Variants in OR1I1 observed in about 807,000 individuals in gnomAD.
OR1I1 encodes the protein olfactory receptor family 1 subfamily I member 1, also known as olfactory receptor 1I1.
For synonymous variants in OR1I1, 171 were observed against 181.4 expected, an observed-to-expected ratio of 0.94 and a Z score of 0.46; for missense variants, 451 against 443.6, an observed-to-expected ratio of 1.02 and a Z score of -0.15.
rs556025753 is a variant in OR1I1, at chr19:15,089,712, C to T, written c.*1579C>T. On this transcript the variant is annotated 3_prime_UTR_variant, in exon 2 of 2. Coordinates refer to ENST00000641398, the MANE Select transcript of OR1I1 (RefSeq NM_001004713.2). ...ATTACCTGGGTGTGGTGGTGTGCAC[C>T]TGTCATCTTAGTTACTCGGGAGGCT... 1.3e-5 allele frequency: 2 copies of T among 152,092 alleles called. No individual in the cohort carries two copies. Among genetic ancestry groups the T allele is most frequent in the East Asian group, 3.9e-4 (2 of 5,176 alleles). 9.4% of individuals were successfully genotyped at this position (152,092 alleles called of 1,614,324 possible).
chr19:15,086,481 TC>T (rs1568322197), intron 1 of OR1I1, among the ~76,000 whole-genome samples: 4 of 152,248 alleles, frequency 2.6e-5, no homozygotes, highest in African/African-American at 9.6e-5. Flanking sequence ...TGAGACAGAA[TC>T]TTGCTCTATA....
At chr19:15,086,527 C>T (rs1006747974) in intron 1 of OR1I1, among the ~76,000 whole-genome samples, 1 of 151,216 alleles carries the variant, frequency 6.6e-6, no homozygotes, top group African/African-American at 2.4e-5. Flanking sequence ...AATCTCTGCT[C>T]GCTGCAAACT....
chr19:15,087,685 G>T lies in OR1I1; in HGVS notation c.620G>T (p.Gly207Val), dbSNP rs1368435867. ...LVIFAFGIVV[G>V]TSPFSCILLS... is the part of the protein sequence containing the mutation. ...ATCTTTGCTTTTGGCATTGTCGTGG[G>T]CACCAGCCCATTCTCCTGCATCCTT... Residue 207 changes from glycine (G) to valine (V), a missense_variant, in exon 2 of 2, where the codon GGC becomes GTC. Gly to Val is a moderately radical substitution (Grantham distance 109). Coordinates refer to ENST00000641398, the MANE Select transcript of OR1I1 (RefSeq NM_001004713.2). 6.2e-7 allele frequency: 1 copy of T among 1,614,018 alleles called. No homozygotes were observed. Among genetic ancestry groups the T allele is most frequent in the Admixed American group, 1.7e-5 (1 of 59,988 alleles).
rs765407826 is a variant in OR1I1, at chr19:15,087,625, T to A, written c.560T>A (p.Leu187His). 1.2e-6 allele frequency: 2 copies of A among 1,614,142 alleles called. No homozygotes were observed. Among genetic ancestry groups the A allele is most frequent in the South Asian group, 2.2e-5 (2 of 91,086 alleles). The change falls in exon 2 of 2, where the codon CTC becomes CAC. Residue 187 changes from leucine (L) to histidine (H), a missense_variant. Leu to His is a moderately conservative substitution (Grantham distance 99). Coordinates refer to ENST00000641398, the MANE Select transcript of OR1I1 (RefSeq NM_001004713.2). ...FFCDLMPLLK[L>H]SGSDTHTNEL... ...TGTGACCTCATGCCCCTGCTGAAGC[T>A]CTCCGGCTCAGACACGCACACCAAC...
In OR1I1 at chr19:15,085,151, TATATA is replaced by T. The variant is rs2046223925; in HGVS notation, c.-13-1901_-13-1897del. On this transcript the variant is annotated intron_variant, in intron 1 of 1. Coordinates refer to ENST00000641398, the MANE Select transcript of OR1I1 (RefSeq NM_001004713.2). ...TGACTTATATATATATATATATATATATATATATATATATATATATATATATTTTT... is the reference window on the plus strand; with the variant it reads ...TGACTTATATATATATATATATATATTATATATATATATATATATATTTTT... Among the ~76,000 whole-genome samples the T allele has an allele frequency of 1.2e-4, 5 of 42,744 alleles. 1 individual carries two copies. Among genetic ancestry groups the T allele is most frequent in the African/African-American group, 4.8e-4 (5 of 10,448 alleles). The allele number at this position is 42,744 out of a possible 152,430, so 28.0% of individuals were successfully genotyped here.
Position 15,087,286 on chromosome 19 carries a change from C to A in OR1I1, c.221C>A (p.Ser74Tyr), listed in dbSNP as rs756601752. 2 of 1,614,178 alleles carry A rather than the reference C, an allele frequency of 1.2e-6. No individual in the cohort carries two copies. Among genetic ancestry groups the A allele is most frequent in the Non-Finnish European group, 1.7e-6 (2 of 1,180,020 alleles). ...CTCTCACTCGTTGACACCCTATTAT[C>A]CTCCACCACCGTCCCCAAGATGCTA... The part of the protein sequence containing the change: ...FNLSLVDTLL[S>Y]STTVPKMLAN... The change falls in exon 2 of 2, where the codon TCC (serine) becomes TAC (tyrosine). Residue 74 changes from serine (S) to tyrosine (Y), a missense_variant. Transcript: ENST00000641398.
In OR1I1 at chr19:15,085,175, TA is replaced by T. The variant is rs1174441357; in HGVS notation, c.-13-1877del. On this transcript the variant is annotated intron_variant, in intron 1 of 1. Transcript: ENST00000641398. The stretch of plus-strand genomic sequence containing the variant: ...ATATATATATATATATATATATATA[TA>T]TTTTTTTTTTTGAGACAGAGTTTCG... Among the ~76,000 whole-genome samples the T allele has an allele frequency of 5.1e-3, 353 of 68,838 alleles. 21 individuals are homozygous for T. The highest frequency in any genetic ancestry group is 7.6e-3 in the Admixed American group (47 of 6,180). 45.2% of individuals were successfully genotyped at this position (68,838 alleles called of 152,430 possible).
At position 15,085,162 on chromosome 19, in the gene OR1I1, A is replaced by AT. The variant is rs1568321872; in HGVS notation, c.-13-1890dup. The stretch of plus-strand genomic sequence containing the variant: ...TATATATATATATATATATATATAT[A>AT]TATATATATATATATTTTTTTTTTT... On this transcript the variant is annotated intron_variant, in intron 1 of 1. Transcript: ENST00000641398. Among the ~76,000 whole-genome samples the AT allele has an allele frequency of 3.2e-4, 11 of 34,762 alleles. 1 individual carries two copies. Among genetic ancestry groups the AT allele is most frequent in the African/African-American group, 1.8e-3 (11 of 6,010 alleles). 22.8% of individuals were successfully genotyped at this position (34,762 alleles called of 152,430 possible).
rs1268430408 is a variant in OR1I1 at position 15,083,429 on chromosome 19, C to T, written c.-14+1153C>T. ...GTGTTTTAACAAGCCTTCCAGGTGACCCTGAAGCGTGCTCAAGGTTGAGAA... is the reference window on the plus strand; with the variant it reads ...GTGTTTTAACAAGCCTTCCAGGTGATCCTGAAGCGTGCTCAAGGTTGAGAA... On this transcript the variant is annotated intron_variant, in intron 1 of 1. Transcript: ENST00000641398. Among the ~76,000 whole-genome samples the T allele has an allele frequency of 4.6e-5, 7 of 152,252 alleles. No homozygotes were observed. In the East Asian group the frequency reaches 1.4e-3, roughly 29 times the overall value.
Position 15,087,678 on chromosome 19 carries a change from G to T in OR1I1, c.613G>T (p.Val205Phe). 1 of 1,614,214 alleles carries T rather than the reference G, an allele frequency of 6.2e-7. No individual in the cohort carries two copies. Among genetic ancestry groups the T allele is most frequent in the Non-Finnish European group, 8.5e-7 (1 of 1,180,042 alleles). ...NELVIFAFGI[V>F]VGTSPFSCIL... ...GCTGGTGATCTTTGCTTTTGGCATT[G>T]TCGTGGGCACCAGCCCATTCTCCTG... Residue 205 changes from valine (V) to phenylalanine (F), a missense_variant, in exon 2 of 2, where the codon GTC becomes TTC. By Grantham distance (50) the Val-to-Phe change is conservative. Transcript: ENST00000641398.
At position 15,082,230 on chromosome 19, in the gene OR1I1, C is replaced by T. The variant is rs2046212129; in HGVS notation, c.-60C>T. 1 of 152,240 alleles carries T rather than the reference C, an allele frequency of 6.6e-6. No homozygotes were observed. The highest frequency in any genetic ancestry group is 1.5e-5 in the Non-Finnish European group (1 of 68,240). The allele number at this position is 152,240 out of a possible 1,614,324, so 9.4% of individuals were successfully genotyped here. A position where few individuals can be genotyped will look rare whatever the true frequency, so the allele number is the denominator to read the frequency against. On this transcript the variant is annotated 5_prime_UTR_variant, in exon 1 of 2. Transcript: ENST00000641398. ...CAGAGTCTGGGGGCGGGGGGGTACA[C>T]ATATGAATCCTTCCCATAGACATCA... is the stretch of plus-strand genomic sequence containing the variant.
intron 1 of OR1I1, among the ~76,000 whole-genome samples, chr19:15,086,703 G>A (rs1452506929): frequency 5.3e-5 from 8 of 151,986 alleles, no homozygotes; most frequent in Admixed American, 1.3e-4. Context: ...CAATCTGCCC[G>A]CCTCAGCCTT....
In OR1I1 at chr19:15,087,085, C is replaced by A; in HGVS notation, c.20C>A (p.Thr7Asn). MEPEKQ[T>N]EISEFFLQGL... ...CCATACATGGAACCAGAAAAGCAAA[C>A]CGAAATCTCAGAATTCTTCCTCCAG... The change falls in exon 2 of 2, where the codon ACC becomes AAC. Residue 7 changes from threonine to asparagine, a missense_variant. Thr to Asn is a moderately conservative substitution (Grantham distance 65). Coordinates refer to ENST00000641398, the MANE Select transcript of OR1I1 (RefSeq NM_001004713.2). The A allele has an allele frequency of 1.2e-6, 2 of 1,612,366 alleles. No homozygotes were observed. The highest frequency in any genetic ancestry group is 1.7e-6 in the Non-Finnish European group (2 of 1,178,972).
At position 15,088,990 on chromosome 19, in the gene OR1I1, G is replaced by GATGAGA. The variant is rs1168423716; in HGVS notation, c.*857_*858insATGAGA. ...ATAGATAGATAGATAGATGAGATAG[G>GATGAGA]TAGGTAGGTCAGTCGATCGATTGAT... is the stretch of plus-strand genomic sequence containing the variant. On this transcript the variant is annotated 3_prime_UTR_variant, in exon 2 of 2. Coordinates refer to ENST00000641398, the MANE Select transcript of OR1I1 (RefSeq NM_001004713.2). The GATGAGA allele has an allele frequency of 3.0e-4, 14 of 45,962 alleles. No homozygotes were observed. The highest frequency in any genetic ancestry group is 6.7e-4 in the Non-Finnish European group (12 of 17,824). 2.8% of individuals were successfully genotyped at this position (45,962 alleles called of 1,614,324 possible).
Position 15,087,673 on chromosome 19 carries a change from G to T in OR1I1, c.608G>T (p.Gly203Val), listed in dbSNP as rs1035217740. The change falls in exon 2 of 2, where the codon GGC becomes GTC. Residue 203 changes from glycine (G) to valine (V), a missense_variant. Physicochemically the swap from Gly to Val is moderately radical, Grantham distance 109 (BLOSUM62 -3). Transcript: ENST00000641398. Reference sequence around the variant, plus strand: ...AACGAGCTGGTGATCTTTGCTTTTGGCATTGTCGTGGGCACCAGCCCATTC... The same window carrying T: ...AACGAGCTGGTGATCTTTGCTTTTGTCATTGTCGTGGGCACCAGCCCATTC... ...HTNELVIFAF[G>V]IVVGTSPFSC... 1 of 1,614,150 alleles carries T rather than the reference G, an allele frequency of 6.2e-7. No individual in the cohort carries two copies. The highest frequency in any genetic ancestry group is 1.1e-5 in the South Asian group (1 of 91,084).
At chr19:15,086,909 T>C in intron 1 of OR1I1, 144 bp from the exon 2 acceptor site, 1 of 1,331,122 alleles carries the variant, frequency 7.5e-7, no homozygotes, top group South Asian at 1.6e-5. Context: ...TGAAGATGGC[T>C]TGAGGTTAAC....
Position 15,088,873 on chromosome 19 carries a change from G to A in OR1I1, c.*740G>A, listed in dbSNP as rs2046244724. 6.6e-6 allele frequency: 1 copy of A among 151,070 alleles called. No individual in the cohort carries two copies. Among genetic ancestry groups the A allele is most frequent in the South Asian group, 2.1e-4 (1 of 4,754 alleles). The allele number at this position is 151,070 out of a possible 1,614,324, so 9.4% of individuals were successfully genotyped here. On this transcript the variant is annotated 3_prime_UTR_variant, in exon 2 of 2. Coordinates refer to ENST00000641398, the MANE Select transcript of OR1I1 (RefSeq NM_001004713.2). The stretch of plus-strand genomic sequence containing the variant: ...GGATAGATAGGTAGGTAGGTAGGTA[G>A]GTCAACCGATCGATAGATCTATCTA...
rs759416088 is a variant in OR1I1, at chr19:15,087,260, C to T, written c.195C>T (p.Asn65=). 1 of 1,614,112 alleles carries T rather than the reference C, an allele frequency of 6.2e-7. No homozygotes were observed. Among genetic ancestry groups the T allele is most frequent in the Non-Finnish European group, 8.5e-7 (1 of 1,180,008 alleles). The change falls in exon 2 of 2, where the codon AAC becomes AAT. Residue 65 remains asparagine (N), a synonymous_variant. Transcript: ENST00000641398. ...LHTPMYFFLF[N]LSLVDTLLSS... ...CACCCATGTACTTCTTTCTCTTCAA[C>T]CTCTCACTCGTTGACACCCTATTAT...
intron 1 of OR1I1, among the ~76,000 whole-genome samples, chr19:15,085,176 A>ATATTTT (rs1555717400): frequency 3.0e-4 from 24 of 80,110 alleles, no homozygotes; most frequent in African/African-American, 2.8e-4. Flanking sequence ...ATATATATAT[A>ATATTTT]TTTTTTTTTT....
Sources: allele counts gnomAD v4.1 joint callset (sites outside exome capture counted in the v4.1 genomes callset), GRCh38; gene constraint gnomAD v4.1.1; transcripts MANE v1.5; gene names NCBI Gene and HGNC (gene_info 2026-07-23, HGNC 2026-07-21).